The following CSMD1 variants were observed in gnomAD, a reference collection of about 807,000 sequenced individuals.
The protein encoded by CSMD1 is CUB and sushi domain-containing protein 1.
A neutral mutation model predicts 417.5 loss-of-function variants in CSMD1; 213 were observed. The observed-to-expected ratio is 0.51, with a 90% CI of 0.46 to 0.57. The LOEUF (loss-of-function observed/expected upper bound fraction) is 0.57, where lower values mean the gene tolerates loss of function less well. Ranked by LOEUF, CSMD1 falls within the 20% of genes least tolerant of loss-of-function variation. The probability of loss-of-function intolerance (pLI) is 0.00; values close to 1 mark genes in which losing one functional copy is unlikely to be tolerated. For synonymous variants in CSMD1, 2,862 were observed against 1,736.8 expected (o/e 1.65, Z -16.11); for missense variants, 6,923 against 4,529.7 (o/e 1.53, Z -15.17).
chr8:3,340,920 A>G (rs1045981908), intron 23 of CSMD1, among the ~76,000 whole-genome samples: 3 of 152,220 alleles, frequency 2.0e-5, no homozygotes, highest in Non-Finnish European at 2.9e-5. Flanking sequence ...CAAATTGATT[A>G]TAATAAGAGC....
chr8:4,520,491 A>T (rs1201071455), intron 2 of CSMD1, among the ~76,000 whole-genome samples: 1 of 152,172 alleles, frequency 6.6e-6, no homozygotes, highest in Non-Finnish European at 1.5e-5. Context: ...GAAATGGGTC[A>T]CACAGTACTA....
At chr8:3,483,044 AC>A (rs1775149668) in intron 11 of CSMD1, among the ~76,000 whole-genome samples, 1 of 152,170 alleles carries the variant, frequency 6.6e-6, no homozygotes, top group Non-Finnish European at 1.5e-5. Context: ...GAAAAAAATT[AC>A]TTAAGTTCCT....
chr8:4,265,234 TC>T (rs1804166460), intron 3 of CSMD1, among the ~76,000 whole-genome samples: 1 of 152,112 alleles, frequency 6.6e-6, no homozygotes, highest in Admixed American at 6.6e-5. Context: ...CAAATTGTAT[TC>T]ATATATTTTA....
intron 6 of CSMD1, among the ~76,000 whole-genome samples, chr8:3,709,261 G>C (rs1261556102): frequency 6.6e-6 from 1 of 151,196 alleles, no homozygotes; most frequent in Non-Finnish European, 1.5e-5. Flanking sequence ...GCTTTACTAA[G>C]TGCCCAGTGG....
intron 8 of CSMD1, among the ~76,000 whole-genome samples, chr8:3,605,272 G>A (rs1801556110): frequency 1.3e-5 from 2 of 152,172 alleles, no homozygotes; most frequent in Non-Finnish European, 2.9e-5. Context: ...TTACAGGCGT[G>A]CGCCATCGCG....
intron 23 of CSMD1, among the ~76,000 whole-genome samples, chr8:3,326,308 C>T (rs966925789): frequency 1.3e-5 from 2 of 152,230 alleles, no homozygotes; most frequent in Non-Finnish European, 2.9e-5. Flanking sequence ...ATCAATTAAG[C>T]ATCATCTTGT....
At chr8:4,319,693 C>G (rs778134439) in intron 3 of CSMD1, among the ~76,000 whole-genome samples, 9 of 152,014 alleles carry the variant, frequency 5.9e-5, no homozygotes, top group Non-Finnish European at 1.2e-4. Flanking sequence ...GCAATCCAAG[C>G]AGAATTTGGC....
At chr8:4,043,623 G>T (rs1482573901) in intron 3 of CSMD1, among the ~76,000 whole-genome samples, 1 of 152,206 alleles carries the variant, frequency 6.6e-6, no homozygotes, top group Non-Finnish European at 1.5e-5. Flanking sequence ...AATTTCAAAA[G>T]ACGAAATGCA....
chr8:3,789,235 A>T (rs894515107), intron 5 of CSMD1, among the ~76,000 whole-genome samples: 2 of 152,106 alleles, frequency 1.3e-5, no homozygotes, highest in African/African-American at 2.4e-5. Context: ...CTCACCAGAC[A>T]CAAAATATGC....
At chr8:2,969,742 T>A (rs1339462389) in intron 57 of CSMD1, among the ~76,000 whole-genome samples, 1 of 152,202 alleles carries the variant, frequency 6.6e-6, no homozygotes, top group Non-Finnish European at 1.5e-5. Flanking sequence ...TTTGGACCTA[T>A]GATAACAAAC....
At chr8:4,253,436 G>A (rs570125626) in intron 3 of CSMD1, among the ~76,000 whole-genome samples, 32 of 151,958 alleles carry the variant, frequency 2.1e-4, no homozygotes, top group South Asian at 6.2e-4. Context: ...AGAACATAGC[G>A]GAACACCATA....
chr8:4,023,714 G>C (rs1354302676), intron 4 of CSMD1, among the ~76,000 whole-genome samples: 1 of 146,526 alleles, frequency 6.8e-6, no homozygotes, highest in African/African-American at 2.5e-5. Context: ...AGCCTCCCGA[G>C]TAGCTGGGAC....
chr8:4,854,087 C>T (rs142350956), intron 1 of CSMD1, among the ~76,000 whole-genome samples: 2 of 152,234 alleles, frequency 1.3e-5, no homozygotes, highest in African/African-American at 4.8e-5. Context: ...CCAGAAGAGA[C>T]ATTGGACATG....
intron 4 of CSMD1, among the ~76,000 whole-genome samples, chr8:4,009,230 C>G (rs1010347200): frequency 1.3e-5 from 2 of 152,156 alleles, no homozygotes; most frequent in African/African-American, 4.8e-5. Flanking sequence ...TCAGAATGAA[C>G]TGATTTCTAT....
intron 18 of CSMD1, among the ~76,000 whole-genome samples, chr8:3,381,447 T>C (rs1168744763): frequency 1.3e-5 from 2 of 152,202 alleles, no homozygotes; most frequent in African/African-American, 4.8e-5. Flanking sequence ...CTTATTCTAT[T>C]GCAAATTTAG....
chr8:3,635,793 C>CAAAAAAAAAAAAAAAAAAAAAAAAAAA (rs752552617), intron 7 of CSMD1, among the ~76,000 whole-genome samples: 1 of 99,278 alleles, frequency 1.0e-5, no homozygotes, highest in African/African-American at 4.1e-5. Context: ...GCTTCCATCT[C>CAAAAAAAAAAAAAAAAAAAAAAAAAAA]AAAAAAAAAA....
intron 26 of CSMD1, among the ~76,000 whole-genome samples, chr8:3,244,991 C>T (rs1013973775): frequency 4.6e-5 from 7 of 152,146 alleles, no homozygotes; most frequent in East Asian, 3.9e-4. Flanking sequence ...AACTGTGATT[C>T]CTCAAGAGGG....
At chr8:4,548,728 A>G (rs1254187606) in intron 2 of CSMD1, among the ~76,000 whole-genome samples, 2 of 152,128 alleles carry the variant, frequency 1.3e-5, no homozygotes, top group African/African-American at 4.8e-5. Flanking sequence ...CCAGTTGTCA[A>G]GGTAATTACA....
At chr8:3,746,160 G>C (rs1328515994) in intron 6 of CSMD1, among the ~76,000 whole-genome samples, 1 of 152,244 alleles carries the variant, frequency 6.6e-6, no homozygotes, top group Non-Finnish European at 1.5e-5. Flanking sequence ...AATAAGAGCA[G>C]CTCAGGGCTG....
Sources: allele counts gnomAD v4.1 joint callset (sites outside exome capture counted in the v4.1 genomes callset), GRCh38; gene constraint gnomAD v4.1.1; transcripts MANE v1.5; gene names NCBI Gene and HGNC (gene_info 2026-07-23, HGNC 2026-07-21).